MICAL2: variants seen among roughly 807,000 people sequenced by gnomAD.
MICAL2 encodes the protein [F-actin]-monooxygenase MICAL2.
Under a neutral mutation model 127.3 loss-of-function variants are expected in MICAL2, and 77 were observed. That is an observed-to-expected ratio of 0.60 (90% CI 0.50 to 0.73). The LOEUF (loss-of-function observed/expected upper bound fraction) is 0.73, where lower values mean the gene tolerates loss of function less well. Among genes scored for constraint, MICAL2 ranks in the 30% least tolerant of loss-of-function variants. The pLI is 0.00. For missense variants in MICAL2, 1,351 were observed against 1,434.4 expected (o/e 0.94, Z 0.94); for synonymous variants, 570 against 551.1 (o/e 1.03, Z -0.48).
chr11:12,299,363 A>C (rs1371651741), intron 29 of MICAL2, among the ~76,000 whole-genome samples: 1 of 152,200 alleles, frequency 6.6e-6, no homozygotes, highest in Non-Finnish European at 1.5e-5. Context: ...GGGGGTGCAC[A>C]CTTCCATGCA....
At chr11:12,215,322 C>T (rs1258402851) in intron 7 of MICAL2, among the ~76,000 whole-genome samples, 1 of 152,192 alleles carries the variant, frequency 6.6e-6, no homozygotes, top group East Asian at 1.9e-4. Flanking sequence ...TGCCTGTTTC[C>T]TATTTAACCG....
chr11:12,161,684 C>T (rs142808326), intron 2 of MICAL2: 1,594 of 158,752 alleles, frequency 0.01, 40 homozygotes, highest in South Asian at 0.091. Context: ...TTTGCAGCAC[C>T]GAGAATGATA....
intron 24 of MICAL2, chr11:12,257,194 A>G (rs925865451): frequency 1.6e-4 from 76 of 487,628 alleles, no homozygotes; most frequent in Non-Finnish European, 2.2e-4. Flanking sequence ...GGTACGGCAT[A>G]CCAGGTCCTG....
At chr11:12,132,301 CTCTT>C in intron 1 of MICAL2, among the ~76,000 whole-genome samples, 1 of 152,286 alleles carries the variant, frequency 6.6e-6, no homozygotes, top group Middle Eastern at 3.4e-3. Flanking sequence ...ACATTCCACT[CTCTT>C]TCAGATTTCT....
chr11:12,361,232 T>C (rs1309187011), downstream of MICAL2, among the ~76,000 whole-genome samples: 1 of 152,206 alleles, frequency 6.6e-6, no homozygotes, highest in Non-Finnish European at 1.5e-5. Flanking sequence ...GTACCTAAGT[T>C]GGGCCAAGAG....
At chr11:12,287,458 C>G, downstream of MICAL2, 1 of 259,778 alleles carries the variant, frequency 3.8e-6, no homozygotes. Context: ...CCATCATTGC[C>G]TCTAAGCTTT....
intron 3 of MICAL2, among the ~76,000 whole-genome samples, chr11:12,192,055 G>A (rs1366333194): frequency 3.0e-4 from 17 of 56,718 alleles, no homozygotes; most frequent in Admixed American, 5.1e-4. Flanking sequence ...CCCCACCCCC[G>A]CCCGCCACCC....
At chr11:12,199,655 T>C (rs1860418984) in intron 3 of MICAL2, among the ~76,000 whole-genome samples, 1 of 152,092 alleles carries the variant, frequency 6.6e-6, no homozygotes, top group South Asian at 2.1e-4. Context: ...GTTTGCAGGT[T>C]CCCCTGGGGA....
In MICAL2 at chr11:12,239,513, A is replaced by T. The variant is rs534053906; in HGVS notation, c.2142A>T (p.Lys714Asn). 1.8e-5 allele frequency: 29 copies of T among 1,614,226 alleles called. No individual in the cohort carries two copies. In the South Asian group the frequency reaches 3.0e-4, roughly 17 times the overall value. The part of the protein sequence containing the change: ...GSSKEGGNQN[K>N]VKSMANQLLA... ...GTAAGGAAGGTGGAAATCAGAACAA[A>T]GTCAAGTCCATGGCGAATCAGCTGC... The change falls in exon 17 of 28, where the codon AAA (lysine) becomes AAT (asparagine). Residue 714 changes from lysine (K) to asparagine (N), a missense_variant. Physicochemically the swap from Lys to Asn is moderately conservative, Grantham distance 94 (BLOSUM62 0). Transcript: ENST00000683283.
chr11:12,331,531 CG>C (rs1437130770), intron 32 of MICAL2, among the ~76,000 whole-genome samples: 6 of 152,082 alleles, frequency 3.9e-5, no homozygotes, highest in Non-Finnish European at 7.4e-5. Context: ...TCTCCAGGAC[CG>C]GGGAGGTAGC....
At chr11:12,204,622 C>G (rs899291887) in intron 4 of MICAL2, among the ~76,000 whole-genome samples, 165 bp downstream of exon 4, 2 of 152,204 alleles carry the variant, frequency 1.3e-5, no homozygotes, top group Non-Finnish European at 1.5e-5. Flanking sequence ...GTGCCTTGTT[C>G]TGGGCCCTGG....
chr11:12,331,055 C>A (rs947754040), intron 32 of MICAL2, among the ~76,000 whole-genome samples: 1 of 152,028 alleles, frequency 6.6e-6, no homozygotes, highest in African/African-American at 2.4e-5. Flanking sequence ...GCCCTACCAC[C>A]TTCTGGAAAG....
chr11:12,121,572 C>T (rs1424342350), intron 1 of MICAL2: 2 of 151,912 alleles, frequency 1.3e-5, no homozygotes, highest in Non-Finnish European at 2.9e-5. Context: ...CATTGAGTTT[C>T]CTTCTCTAGT....
chr11:12,341,863 C>G (rs540526771), intron 32 of MICAL2, among the ~76,000 whole-genome samples: 1 of 152,214 alleles, frequency 6.6e-6, no homozygotes, highest in African/African-American at 2.4e-5. Context: ...AGTTATTGAC[C>G]TTTACATGCC....
intron 22 of MICAL2, among the ~76,000 whole-genome samples, chr11:12,251,479 G>A (rs1373103908): frequency 6.6e-6 from 1 of 150,676 alleles, no homozygotes. Context: ...AGAAGTGCTG[G>A]TCTACCTCTT....
intron 32 of MICAL2, among the ~76,000 whole-genome samples, chr11:12,343,417 A>AAAAAAAC (rs1555024236): frequency 6.6e-6 from 1 of 151,384 alleles, no homozygotes; most frequent in Non-Finnish European, 1.5e-5. Flanking sequence ...AAAAAAAAAA[A>AAAAAAAC]AAAAAAACTG....
At chr11:12,284,790 T>G (rs1863807213) in intron 2 of MICAL2, among the ~76,000 whole-genome samples, 1 of 152,148 alleles carries the variant, frequency 6.6e-6, no homozygotes, top group Non-Finnish European at 1.5e-5. Context: ...CTGGGAAGAC[T>G]GTGTGCCCAT....
intron 26 of MICAL2, 118 bp from the exon 27 acceptor site, chr11:12,262,362 G>A (rs150127325): frequency 4.9e-5 from 76 of 1,559,634 alleles, no homozygotes; most frequent in Non-Finnish European, 5.9e-5. Context: ...TCTTTCAATC[G>A]TGGCCTTATT....
At chr11:12,142,292 T>C (rs1852423988) in intron 2 of MICAL2, among the ~76,000 whole-genome samples, 1 of 152,234 alleles carries the variant, frequency 6.6e-6, no homozygotes, top group African/African-American at 2.4e-5. Flanking sequence ...TGTTTTGATT[T>C]GTATTTAGTG....
Sources: allele counts gnomAD v4.1 joint callset (sites outside exome capture counted in the v4.1 genomes callset), GRCh38; gene constraint gnomAD v4.1.1; transcripts MANE v1.5; gene names NCBI Gene and HGNC (gene_info 2026-07-23, HGNC 2026-07-21).